Variants in CENPE observed in about 807,000 individuals in gnomAD.
The protein encoded by CENPE is centromere protein E.
CENPE carries 145 observed loss-of-function variants against 336.1 expected under a neutral mutation model. The ratio of observed to expected loss-of-function variants is 0.43; its 90% CI spans 0.38 to 0.50. The LOEUF (loss-of-function observed/expected upper bound fraction) is 0.50, where lower values mean the gene tolerates loss of function less well. Ranked by LOEUF, CENPE falls within the 20% of genes least tolerant of loss-of-function variation. CENPE has a pLI of 0.00. For synonymous variants in CENPE, 1,013 were observed against 984.8 expected (o/e 1.03, Z -0.54); for missense variants, 2,719 against 3,023.3 (o/e 0.90, Z 2.36).
chr4:103,145,152 T>C lies in CENPE; in HGVS notation c.4755A>G (p.Ile1585Met). ...TNRLQESQEEIQIMIKEKEEM... is the reference protein window; with the variant it reads ...TNRLQESQEEMQIMIKEKEEM... ...CCTCTTTTTCCTTAATCATAATTTG[T>C]ATTTCTTCTTGACTTTCTTGAAGTC... Residue 1585 changes from isoleucine to methionine, a missense_variant, in exon 32 of 49, where the codon ATA becomes ATG. Transcript: ENST00000265148. 1 of 1,613,136 alleles carries C rather than the reference T, an allele frequency of 6.2e-7. No individual in the cohort carries two copies. Among genetic ancestry groups the C allele is most frequent in the African/African-American group, 1.3e-5 (1 of 75,004 alleles).
At chr4:103,140,643 G>T (rs181430711) in intron 36 of CENPE, among the ~76,000 whole-genome samples, 171 bp downstream of exon 36, 2 of 152,014 alleles carry the variant, frequency 1.3e-5, no homozygotes, top group Admixed American at 1.3e-4. Context: ...ATCACAAAAA[G>T]AATACCCCAT....
chr4:103,174,996 C>A, intron 15 of CENPE, 93 bp from the exon 16 acceptor site: 1 of 734,410 alleles, frequency 1.4e-6, no homozygotes, highest in Non-Finnish European at 2.1e-6. Flanking sequence ...ACTACTTTAA[C>A]TTTGATTTGA....
chr4:103,163,608 C>CAAAAAAAAAAAAAAAAAA (rs11315612), intron 16 of CENPE, 55 bp from the exon 17 acceptor site: 8 of 304,450 alleles, frequency 2.6e-5, no homozygotes, highest in African/African-American at 9.2e-5. Flanking sequence ...TAAAGCAAAG[C>CAAAAAAAAAAAAAAAAAA]AAAAAAAAAA....
At chr4:103,115,149 T>C (rs1749974453) in intron 45 of CENPE, among the ~76,000 whole-genome samples, 1 of 152,198 alleles carries the variant, frequency 6.6e-6, no homozygotes. Flanking sequence ...CTTTTTTTTT[T>C]TGAGACGAAG....
chr4:103,171,941 C>A (rs374170314), intron 16 of CENPE, among the ~76,000 whole-genome samples: 2 of 151,948 alleles, frequency 1.3e-5, no homozygotes, highest in East Asian at 1.9e-4. Flanking sequence ...CCTGAACAGG[C>A]CAGTAATGAG....
chr4:103,161,048 G>A, intron 20 of CENPE, 38 bp downstream of exon 20: 1 of 1,484,764 alleles, frequency 6.7e-7, no homozygotes, highest in Non-Finnish European at 9.1e-7. Context: ...TCTAGAAGAA[G>A]TCAGATTTGA....
At chr4:103,176,484 T>A (rs891120880) in intron 14 of CENPE, among the ~76,000 whole-genome samples, 1 of 152,200 alleles carries the variant, frequency 6.6e-6, no homozygotes, top group African/African-American at 2.4e-5. Flanking sequence ...TAAAAACACC[T>A]GTCTCATGTG....
Position 103,129,505 on chromosome 4 carries a change from G to A in CENPE, c.6924+3188C>T, listed in dbSNP as rs527972259. On this transcript the variant is annotated intron_variant, in intron 42 of 48. Transcript: ENST00000265148. ...TGTAATCCCAGTACTTTGGGAGGCC[G>A]AGGTGGGTGGATCACGAGGTCAGGA... Among the ~76,000 whole-genome samples, 98 of 152,194 alleles carry A rather than the reference G, an allele frequency of 6.4e-4. 2 individuals are homozygous for A. In the South Asian group the frequency reaches 0.018, roughly 28 times the overall value.
At position 103,194,060 on chromosome 4, in the gene CENPE, G is replaced by A. The variant is rs180912971; in HGVS notation, c.693+169C>T. Among the ~76,000 whole-genome samples, 261 of 152,076 alleles carry A rather than the reference G, an allele frequency of 1.7e-3. 2 individuals are homozygous for A. Among genetic ancestry groups the A allele is most frequent in the South Asian group, 3.1e-3 (15 of 4,824 alleles). ...GAAAGATCCTCTGAATTTTTCCTAC[G>A]ACATTTTAGCTAGGAATTTGATGAT... On this transcript the variant is annotated intron_variant, in intron 8 of 48. Transcript: ENST00000265148.
chr4:103,186,667 T>C (rs750535407), intron 8 of CENPE, among the ~76,000 whole-genome samples: 7 of 152,084 alleles, frequency 4.6e-5, no homozygotes, highest in Non-Finnish European at 2.9e-5. Context: ...ACATTCTACA[T>C]AGAGGAGGAG....
intron 9 of CENPE, among the ~76,000 whole-genome samples, chr4:103,185,317 A>G (rs190294298): frequency 0.011 from 1,645 of 152,046 alleles, 23 homozygotes; most frequent in African/African-American, 0.034. Flanking sequence ...AAAAAAAAAA[A>G]AAAAAAAGTT....
rs748741350 is a variant in CENPE, at chr4:103,180,480, C to A, written c.1084-11G>T. On this transcript the variant is annotated splice_polypyrimidine_tract_variant and intron_variant, in intron 12 of 48. Coordinates refer to ENST00000265148, the MANE Select transcript of CENPE (RefSeq NM_001813.3). ...CGTCTCTAAAGAAACCTATAGAATG[C>A]AATATTGGATTATGTTAATAATAAA... The A allele has an allele frequency of 1.3e-6, 2 of 1,589,976 alleles. No homozygotes were observed. The highest frequency in any genetic ancestry group is 1.7e-6 in the Non-Finnish European group (2 of 1,166,108).
At chr4:103,147,208 A>G in intron 29 of CENPE, 148 bp downstream of exon 29, 1 of 605,238 alleles carries the variant, frequency 1.7e-6, no homozygotes. Context: ...GCAATTTTTA[A>G]TTGTTCTGTT....
At chr4:103,174,603 T>TTGTATACAACATGA in intron 16 of CENPE, 133 bp downstream of exon 16, 1 of 567,852 alleles carries the variant, frequency 1.8e-6, no homozygotes, top group Non-Finnish European at 2.9e-6. Flanking sequence ...ATACATCATG[T>TTGTATACAACATGA]TGTATACAAT....
At chr4:103,128,775 G>C (rs999400758) in intron 42 of CENPE, among the ~76,000 whole-genome samples, 11 of 151,926 alleles carry the variant, frequency 7.2e-5, no homozygotes, top group Non-Finnish European at 1.0e-4. Flanking sequence ...TTAGAAAAGA[G>C]GAAAGACCTA....
At chr4:103,186,243 C>A (rs1404130986) in intron 8 of CENPE, among the ~76,000 whole-genome samples, 2 of 152,200 alleles carry the variant, frequency 1.3e-5, no homozygotes, top group African/African-American at 4.8e-5. Context: ...CCTCCAAGCA[C>A]CAGCTTTTTG....
chr4:103,177,217 G>A (rs1204097500), intron 13 of CENPE, among the ~76,000 whole-genome samples, 171 bp from the exon 14 acceptor site: 2 of 151,392 alleles, frequency 1.3e-5, no homozygotes, highest in Non-Finnish European at 2.9e-5. Flanking sequence ...TCAAACTCTT[G>A]ACTCTTTACT....
At chr4:103,194,494 A>C (rs1757593977) in intron 6 of CENPE, 53 bp from the exon 7 acceptor site, 1 of 1,474,276 alleles carries the variant, frequency 6.8e-7, no homozygotes, top group Non-Finnish European at 9.3e-7. Flanking sequence ...CCATAGAAAC[A>C]CAATAATTTT....
At chr4:103,198,132 G>A (rs1053737742) in intron 1 of CENPE, 132 bp downstream of exon 1, 2 of 788,414 alleles carry the variant, frequency 2.5e-6, no homozygotes, top group Non-Finnish European at 4.0e-6. Context: ...CTGAAACGAT[G>A]GCCAGCAGCC....
Sources: allele counts gnomAD v4.1 joint callset (sites outside exome capture counted in the v4.1 genomes callset), GRCh38; gene constraint gnomAD v4.1.1; transcripts MANE v1.5; gene names NCBI Gene and HGNC (gene_info 2026-07-23, HGNC 2026-07-21).